TMEM132B: variants seen among roughly 807,000 people sequenced by gnomAD.
TMEM132B encodes the protein transmembrane protein 132B.
Under a neutral mutation model 90.8 loss-of-function variants are expected in TMEM132B, and 18 were observed. The observed-to-expected ratio is 0.20, with a 90% CI of 0.14 to 0.29. TMEM132B has a LOEUF of 0.29. Among genes scored for constraint, TMEM132B ranks in the 10% least tolerant of loss-of-function variants. The pLI, the probability that TMEM132B is intolerant of heterozygous loss-of-function variation, is 1.00. For missense variants in TMEM132B, 1,096 were observed against 1,326.8 expected, an observed-to-expected ratio of 0.83 and a Z score of 2.70; for synonymous variants, 504 against 523.3, an observed-to-expected ratio of 0.96 and a Z score of 0.50.
chr12:125,592,308 A>G (rs1306523316), intron 5 of TMEM132B, among the ~76,000 whole-genome samples: 3 of 152,206 alleles, frequency 2.0e-5, no homozygotes, highest in Non-Finnish European at 4.4e-5. Context: ...GAACTCTTTC[A>G]CACTTGCAGA....
chr12:125,361,204 G>C (rs1270064642), intron 2 of TMEM132B, among the ~76,000 whole-genome samples: 1 of 152,024 alleles, frequency 6.6e-6, no homozygotes, highest in African/African-American at 2.4e-5. Flanking sequence ...CTTGCTATGA[G>C]TTTCTTATGT....
chr12:125,252,670 T>C (rs1235880220), intron 1 of TMEM132B, among the ~76,000 whole-genome samples: 1 of 152,226 alleles, frequency 6.6e-6, no homozygotes, highest in Non-Finnish European at 1.5e-5. Flanking sequence ...AGTCTTCTGC[T>C]GTGGCTCCTA....
At chr12:125,279,080 A>G (rs748037133) in intron 1 of TMEM132B, among the ~76,000 whole-genome samples, 6 of 152,150 alleles carry the variant, frequency 3.9e-5, no homozygotes, top group Non-Finnish European at 8.8e-5. Flanking sequence ...TAGTGGAGGT[A>G]TTTGGGCATT....
At chr12:125,401,433 G>A (rs1261269229) in intron 2 of TMEM132B, among the ~76,000 whole-genome samples, 1 of 152,152 alleles carries the variant, frequency 6.6e-6, no homozygotes, top group Non-Finnish European at 1.5e-5. Flanking sequence ...AAGTTGTTGA[G>A]GATAAGAGGG....
At chr12:125,502,354 T>A (rs779826761) in intron 3 of TMEM132B, among the ~76,000 whole-genome samples, 5 of 152,194 alleles carry the variant, frequency 3.3e-5, no homozygotes, top group Non-Finnish European at 5.9e-5. Flanking sequence ...TATTTCTCAC[T>A]CAAAATATGA....
intron 3 of TMEM132B, among the ~76,000 whole-genome samples, chr12:125,516,111 A>T (rs1470455774): frequency 1.3e-5 from 2 of 150,822 alleles, no homozygotes; most frequent in African/African-American, 4.9e-5. Flanking sequence ...ACACACTATC[A>T]CACACACACT....
In TMEM132B at chr12:125,661,475, T is replaced by C. The variant is rs1230497692; in HGVS notation, c.*6765T>C. The stretch of plus-strand genomic sequence containing the variant: ...TCGGACATATTGCCATCTCAGTTGC[T>C]GCAGTGCAGTGAATTACCCCAGAGC... On this transcript the variant is annotated 3_prime_UTR_variant, in exon 9 of 9. Coordinates refer to ENST00000682704, the MANE Select transcript of TMEM132B (RefSeq NM_001366854.1). 1 of 152,186 alleles carries C rather than the reference T, an allele frequency of 6.6e-6. No individual in the cohort carries two copies. Among genetic ancestry groups the C allele is most frequent in the African/African-American group, 2.4e-5 (1 of 41,440 alleles). The allele number at this position is 152,186 out of a possible 1,614,324, so 9.4% of individuals were successfully genotyped here. A position where few individuals can be genotyped will look rare whatever the true frequency, so the allele number is the denominator to read the frequency against.
chr12:125,641,819 C>T (rs1886638097), intron 5 of TMEM132B, among the ~76,000 whole-genome samples: 1 of 152,076 alleles, frequency 6.6e-6, no homozygotes, highest in Admixed American at 6.6e-5. Context: ...GGTTGGGTAG[C>T]AGTAAACAAG....
At chr12:125,292,271 C>T (rs1355341259) in intron 1 of TMEM132B, among the ~76,000 whole-genome samples, 1 of 152,176 alleles carries the variant, frequency 6.6e-6, no homozygotes, top group Admixed American at 6.5e-5. Context: ...CTTTATTTCC[C>T]ATTTTATTTT....
chr12:125,550,019 G>T (rs1202946516), intron 4 of TMEM132B, among the ~76,000 whole-genome samples: 1 of 152,192 alleles, frequency 6.6e-6, no homozygotes, highest in African/African-American at 2.4e-5. Flanking sequence ...GCAGTACTGG[G>T]CCTTTCCAGC....
Position 125,230,670 on chromosome 12 carries a change from A to AT in TMEM132B, c.67+43818dup, listed in dbSNP as rs745549329. Among the ~76,000 whole-genome samples, 671 of 127,884 alleles carry AT rather than the reference A, an allele frequency of 5.2e-3. 2 individuals are homozygous for AT. Among genetic ancestry groups the AT allele is most frequent in the African/African-American group, 0.012 (413 of 34,782 alleles). 83.9% of individuals were successfully genotyped at this position (127,884 alleles called of 152,430 possible). On this transcript the variant is annotated intron_variant, in intron 1 of 8. Coordinates refer to ENST00000682704, the MANE Select transcript of TMEM132B (RefSeq NM_001366854.1). ...TAATTTTTGTGGTTTTTTTGTGTGT[A>AT]TTTTTTTTTTTTTTCAGTAGAGACG... is the stretch of plus-strand genomic sequence containing the variant.
chr12:125,570,509 G>A (rs1053928661), intron 4 of TMEM132B, among the ~76,000 whole-genome samples: 25 of 152,232 alleles, frequency 1.6e-4, no homozygotes, highest in African/African-American at 5.1e-4. Context: ...GTCCTTAACA[G>A]AGTCACATTT....
At chr12:125,240,685 C>G (rs1368226077) in intron 1 of TMEM132B, among the ~76,000 whole-genome samples, 1 of 152,222 alleles carries the variant, frequency 6.6e-6, no homozygotes, top group Non-Finnish European at 1.5e-5. Flanking sequence ...AGCTCCAACA[C>G]TACTTCCTGG....
chr12:125,640,434 C>T (rs900643248), intron 5 of TMEM132B, among the ~76,000 whole-genome samples: 4 of 152,128 alleles, frequency 2.6e-5, no homozygotes, highest in East Asian at 3.9e-4. Flanking sequence ...ATGGCATGGC[C>T]TTGGGATGGG....
rs1327970471 is a variant in TMEM132B at position 125,492,697 on chromosome 12, C to T, written c.1107-26742C>T. On this transcript the variant is annotated intron_variant, in intron 3 of 8. Transcript: ENST00000682704. This position sits in a 1 kb window ranked among gnomAD's most constrained non-coding sequence, Gnocchi z 5.8. ...GCCCGGCCTGTGCTCTGTCCCTGGGCTCAGGAGGGCGCACCCTTGGGAGGG... is the reference window on the plus strand; with the variant it reads ...GCCCGGCCTGTGCTCTGTCCCTGGGTTCAGGAGGGCGCACCCTTGGGAGGG... Among the ~76,000 whole-genome samples, 2 of 152,138 alleles carry T rather than the reference C, an allele frequency of 1.3e-5. No homozygotes were observed. Among genetic ancestry groups the T allele is most frequent in the African/African-American group, 4.8e-5 (2 of 41,428 alleles).
intron 3 of TMEM132B, among the ~76,000 whole-genome samples, chr12:125,516,627 C>T (rs1351591884): frequency 6.6e-6 from 1 of 152,180 alleles, no homozygotes; most frequent in Non-Finnish European, 1.5e-5. Flanking sequence ...GCAGACCTAC[C>T]CTCTTTGCCT....
At chr12:125,456,263 C>T (rs569853527) in intron 3 of TMEM132B, among the ~76,000 whole-genome samples, 4 of 152,340 alleles carry the variant, frequency 2.6e-5, no homozygotes, top group African/African-American at 9.6e-5. Flanking sequence ...AAGGAGCCAA[C>T]TGTGCTTCTG....
Position 125,644,145 on chromosome 12 carries a change from A to G in TMEM132B, c.1507A>G (p.Asn503Asp). 1 of 1,614,192 alleles carries G rather than the reference A, an allele frequency of 6.2e-7. No homozygotes were observed. Among genetic ancestry groups the G allele is most frequent in the Non-Finnish European group, 8.5e-7 (1 of 1,180,036 alleles). ...EMKSKVDTIVNFTHQHFTSQF... is the reference protein window; with the variant it reads ...EMKSKVDTIVDFTHQHFTSQF... ...GAAGAGCAAAGTGGACACGATTGTG[A>G]ACTTCACCCACCAGCACTTCACCTC... Residue 503 changes from asparagine (N) to aspartate (D), a missense_variant, in exon 6 of 9, where the codon AAC (asparagine) becomes GAC (aspartate). Asn to Asp is a conservative substitution (Grantham distance 23). Coordinates refer to ENST00000682704, the MANE Select transcript of TMEM132B (RefSeq NM_001366854.1).
intron 1 of TMEM132B, among the ~76,000 whole-genome samples, chr12:125,323,098 C>T (rs924317285): frequency 1.3e-5 from 2 of 152,160 alleles, no homozygotes; most frequent in African/African-American, 4.8e-5. Context: ...TGTTGTCACT[C>T]CTTGATTGAT....
Sources: allele counts gnomAD v4.1 joint callset (sites outside exome capture counted in the v4.1 genomes callset), GRCh38; gene constraint gnomAD v4.1.1; non-coding constraint Gnocchi (gnomAD v3.1); transcripts MANE v1.5; gene names NCBI Gene and HGNC (gene_info 2026-07-23, HGNC 2026-07-21).